The following CHKB variants were observed in gnomAD, a reference collection of about 807,000 sequenced individuals.
CHKB encodes the protein choline/ethanolamine kinase.
A neutral mutation model predicts 57.3 loss-of-function variants in CHKB; 45 were observed. The observed-to-expected ratio is 0.79, with a 90% CI of 0.62 to 1.01. The LOEUF (loss-of-function observed/expected upper bound fraction) is 1.01, where lower values mean the gene tolerates loss of function less well. CHKB is among the 50% of genes least tolerant of loss of function. The pLI is 0.00. For missense variants in CHKB, 517 were observed against 502.8 expected (o/e 1.03, Z -0.27); for synonymous variants, 224 against 201.8 (o/e 1.11, Z -0.93).
Position 50,579,097 on chromosome 22 carries a change from G to A in CHKB, c.*84C>T, listed in dbSNP as rs1195473178. Reference sequence around the variant, plus strand: ...TTTCACTTGGGGGCTCAGCCCAGTCGCCAGGGCCTTCTGCTCGTTGTTCCT... The same window carrying A: ...TTTCACTTGGGGGCTCAGCCCAGTCACCAGGGCCTTCTGCTCGTTGTTCCT... On this transcript the variant is annotated 3_prime_UTR_variant, in exon 11 of 11. Transcript: ENST00000406938. The A allele has an allele frequency of 2.2e-6, 3 of 1,354,370 alleles. No homozygotes were observed. The highest frequency in any genetic ancestry group is 1.4e-5 in the African/African-American group (1 of 69,268). The allele number at this position is 1,354,370 out of a possible 1,614,324, so 83.9% of individuals were successfully genotyped here. A position where few individuals can be genotyped will look rare whatever the true frequency, so the allele number is the denominator to read the frequency against.
chr22:50,582,511 C>G (rs763394280), intron 1 of CHKB, 47 bp downstream of exon 1: 3 of 1,565,160 alleles, frequency 1.9e-6, no homozygotes, highest in Non-Finnish European at 2.6e-6. Flanking sequence ...GCGGCTGACC[C>G]CTGACCCCGA....
chr22:50,579,003 C>CGG lies in CHKB; in HGVS notation c.*176_*177dup. On this transcript the variant is annotated 3_prime_UTR_variant, in exon 11 of 11. Coordinates refer to ENST00000406938, the MANE Select transcript of CHKB (RefSeq NM_005198.5). ...TGTTTATTGTGTTACATACACAGCA[C>CGG]GGGGCTCTGGCCTGCCAGCCATGGG... 1 of 678,506 alleles carries CGG rather than the reference C, an allele frequency of 1.5e-6. No homozygotes were observed. Among genetic ancestry groups the CGG allele is most frequent in the South Asian group, 1.7e-5 (1 of 60,498 alleles). 42.0% of individuals were successfully genotyped at this position (678,506 alleles called of 1,614,324 possible). A position where few individuals can be genotyped will look rare whatever the true frequency, so the allele number is the denominator to read the frequency against.
chr22:50,579,871 G>A (rs1234598419), intron 8 of CHKB, 41 bp from the exon 9 acceptor site: 3 of 1,596,974 alleles, frequency 1.9e-6, no homozygotes, highest in East Asian at 4.5e-5. Flanking sequence ...GGGAGACTGT[G>A]GAGTATTTCC....
chr22:50,579,388 GC>G (rs1324961165), intron 10 of CHKB, 37 bp downstream of exon 10: 5 of 1,598,804 alleles, frequency 3.1e-6, no homozygotes, highest in Non-Finnish European at 3.4e-6. Flanking sequence ...CTGCTCCCCA[GC>G]CCCCCAGCTA....
chr22:50,579,747 ATCT>A lies in CHKB; in HGVS notation c.1008_1010del (p.Glu336del), dbSNP rs778645316. 26 of 1,613,804 alleles carry A rather than the reference ATCT, an allele frequency of 1.6e-5. No homozygotes were observed. Among genetic ancestry groups the A allele is most frequent in the African/African-American group, 1.2e-4 (9 of 74,864 alleles). On this transcript the variant is annotated inframe_deletion, in exon 9 of 11. Coordinates refer to ENST00000406938, the MANE Select transcript of CHKB (RefSeq NM_005198.5). ...CTCACCGACTGACTTCTACCAGCAA[ATCT>A]TCTTCCAGTTTTCTCTGCTCCTCTT...
At chr22:50,582,017 T>C (rs1276004757) in intron 2 of CHKB, 155 bp from the exon 3 acceptor site, 13 of 789,622 alleles carry the variant, frequency 1.6e-5, no homozygotes, top group Middle Eastern at 5.1e-4. Context: ...TATTTAGAGA[T>C]GGGGGTCTCA....
chr22:50,579,509 TG>T lies in CHKB; in HGVS notation c.1032-3del, dbSNP rs756097130. The stretch of plus-strand genomic sequence containing the variant: ...AAGAAATGGGATGCCAGAGCATACC[TG>T]GGGGGAGGGCAGGAAAAGGAGGGGC... On this transcript the variant is annotated splice_region_variant and splice_polypyrimidine_tract_variant and intron_variant, in intron 9 of 10. Coordinates refer to ENST00000406938, the MANE Select transcript of CHKB (RefSeq NM_005198.5). 3 of 1,613,002 alleles carry T rather than the reference TG, an allele frequency of 1.9e-6. No individual in the cohort carries two copies. The highest frequency in any genetic ancestry group is 1.6e-4 in the Middle Eastern group (1 of 6,084).
rs2070607151 is a variant in CHKB, at chr22:50,579,013, G to A, written c.*168C>T. 2.9e-6 allele frequency: 2 copies of A among 698,640 alleles called. No homozygotes were observed. Among genetic ancestry groups the A allele is most frequent in the Admixed American group, 2.1e-5 (1 of 47,796 alleles). The allele number at this position is 698,640 out of a possible 1,614,324, so 43.3% of individuals were successfully genotyped here. On this transcript the variant is annotated 3_prime_UTR_variant, in exon 11 of 11. Coordinates refer to ENST00000406938, the MANE Select transcript of CHKB (RefSeq NM_005198.5). ...GTTACATACACAGCACGGGGCTCTG[G>A]CCTGCCAGCCATGGGGACCTACTCA...
intron 4 of CHKB, 45 bp from the exon 5 acceptor site, chr22:50,580,705 CACCCCTCGCCTATCT>C (rs1193150952): frequency 1.5e-5 from 24 of 1,571,728 alleles, no homozygotes; most frequent in Admixed American, 3.4e-5. Context: ...TATTCTTTCC[CACCCCTCGCCTATCT>C]ACCCCTCAGG....
Position 50,582,351 on chromosome 22 carries a change from G to A in CHKB, c.231C>T (p.Gly77=). Residue 77 remains glycine, a synonymous_variant, in exon 2 of 11, where the codon GGC becomes GGT. Transcript: ENST00000406938. ...EELRVYPVSG[G]LSNLLFRCSL... The stretch of plus-strand genomic sequence containing the variant: ...AGCAGCGGAAGAGCAGGTTGCTGAG[G>A]CCTCCGCTGCAGACCCACACCAGGC... 6.4e-7 allele frequency: 1 copy of A among 1,558,446 alleles called. No individual in the cohort carries two copies. The highest frequency in any genetic ancestry group is 1.2e-5 in the South Asian group (1 of 84,884).
intron 9 of CHKB, 72 bp from the exon 10 acceptor site, chr22:50,579,579 T>A (rs956915372): frequency 2.1e-5 from 33 of 1,572,240 alleles, no homozygotes; most frequent in Non-Finnish European, 2.8e-5. Context: ...CTCACCCAGG[T>A]TGGCCAATCC....
chr22:50,582,728 C>T lies in CHKB; in HGVS notation c.54G>A (p.Leu18=), dbSNP rs753255765. The T allele has an allele frequency of 6.2e-7, 1 of 1,604,302 alleles. No homozygotes were observed. The highest frequency in any genetic ancestry group is 8.5e-7 in the Non-Finnish European group (1 of 1,176,580). ...VAGSGAVGGC[L]AKDGLQQSKC... is the part of the protein sequence containing the mutation. ...TAGACTGCTGCAAGCCGTCTTTGGC[C>T]AGGCAGCCGCCAACAGCCCCGCTTC... The change falls in exon 1 of 11, where the codon CTG becomes CTA. Residue 18 remains leucine, a synonymous_variant. Transcript: ENST00000406938.
chr22:50,579,165 G>A lies in CHKB; in HGVS notation c.*16C>T. 6.2e-7 allele frequency: 1 copy of A among 1,612,018 alleles called. No homozygotes were observed. The highest frequency in any genetic ancestry group is 8.5e-7 in the Non-Finnish European group (1 of 1,178,774). ...CTGGAGGCTCCAGGAGAAATCCAAG[G>A]AGTGGGAGGGTGGAGTCAGGATGAG... On this transcript the variant is annotated 3_prime_UTR_variant, in exon 11 of 11. Transcript: ENST00000406938.
At position 50,579,274 on chromosome 22, in the gene CHKB, C is replaced by T. The variant is rs1430942028; in HGVS notation, c.1114-19G>A. The stretch of plus-strand genomic sequence containing the variant: ...CATAGTCCTAGGGAAGGAAACCCAC[C>T]CCACACAGTGGTGAGAAGACGTGGG... On this transcript the variant is annotated intron_variant, in intron 10 of 10. Transcript: ENST00000406938. The T allele has an allele frequency of 6.2e-7, 1 of 1,612,570 alleles. No homozygotes were observed. The highest frequency in any genetic ancestry group is 1.7e-5 in the Admixed American group (1 of 59,870).
rs768840882 is a variant in CHKB, at chr22:50,582,696, G to C, written c.86C>G (p.Pro29Arg). Residue 29 changes from proline to arginine, a missense_variant, in exon 1 of 11, where the codon CCG becomes CGG. Physicochemically the swap from Pro to Arg is moderately radical, Grantham distance 103 (BLOSUM62 -2). Coordinates refer to ENST00000406938, the MANE Select transcript of CHKB (RefSeq NM_005198.5). Reference protein sequence around the residue: ...AKDGLQQSKCPDTTPKRRRAS... With the variant: ...AKDGLQQSKCRDTTPKRRRAS... Reference sequence around the variant, plus strand: ...GCGCCGCCGTTTTGGGGTAGTGTCCGGGCACTTAGACTGCTGCAAGCCGTC... The same window carrying C: ...GCGCCGCCGTTTTGGGGTAGTGTCCCGGCACTTAGACTGCTGCAAGCCGTC... The C allele has an allele frequency of 6.2e-7, 1 of 1,610,334 alleles. No individual in the cohort carries two copies. The highest frequency in any genetic ancestry group is 1.1e-5 in the South Asian group (1 of 90,848).
chr22:50,581,532 C>T lies in CHKB; in HGVS notation c.469G>A (p.Glu157Lys). 1 of 1,613,904 alleles carries T rather than the reference C, an allele frequency of 6.2e-7. No homozygotes were observed. The highest frequency in any genetic ancestry group is 2.2e-5 in the East Asian group (1 of 44,884). The change falls in exon 4 of 11, where the codon GAG (glutamate) becomes AAG (lysine). Residue 157 changes from glutamate (E) to lysine (K), a missense_variant. Physicochemically the swap from Glu to Lys is moderately conservative, Grantham distance 56 (BLOSUM62 1). Transcript: ENST00000406938. ...YIPSRPLKTQ[E>K]LREPVLSAAI... The stretch of plus-strand genomic sequence containing the variant: ...GCTGACAACACTGGCTCTCGAAGCT[C>T]TTGAGTTTTCAATGGCCGACTCTGC...
chr22:50,579,785 T>A lies in CHKB; in HGVS notation c.973A>T (p.Thr325Ser). ...TTTCTCTGCTCCTCTTGGGAGAGGG[T>A]CTCACCTTTCTTTGCCTCTGCCAGG... Reference protein sequence around the residue: ...HYLAEAKKGETLSQEEQRKLE... With the variant: ...HYLAEAKKGESLSQEEQRKLE... Residue 325 changes from threonine (T) to serine (S), a missense_variant, in exon 9 of 11, where the codon ACC (threonine) becomes TCC (serine). Physicochemically the swap from Thr to Ser is moderately conservative, Grantham distance 58 (BLOSUM62 1). Coordinates refer to ENST00000406938, the MANE Select transcript of CHKB (RefSeq NM_005198.5). 2 of 1,613,742 alleles carry A rather than the reference T, an allele frequency of 1.2e-6. No homozygotes were observed. Among genetic ancestry groups the A allele is most frequent in the Non-Finnish European group, 1.7e-6 (2 of 1,179,990 alleles).
intron 2 of CHKB, 149 bp downstream of exon 2, chr22:50,582,100 G>T (rs2070703571): frequency 3.5e-6 from 3 of 847,578 alleles, no homozygotes; most frequent in South Asian, 3.0e-5. Context: ...AAAGCTCTGG[G>T]AATACAGGCC....
intron 4 of CHKB, 44 bp from the exon 5 acceptor site, chr22:50,580,704 C>T: frequency 1.3e-6 from 2 of 1,568,838 alleles, no homozygotes; most frequent in Non-Finnish European, 1.8e-6. Context: ...CTATTCTTTC[C>T]CACCCCTCGC....
Sources: allele counts gnomAD v4.1 joint callset, GRCh38; gene constraint gnomAD v4.1.1; transcripts MANE v1.5; gene names NCBI Gene and HGNC (gene_info 2026-07-23, HGNC 2026-07-21).